The following CRPPA variants were observed in gnomAD, a reference collection of about 807,000 sequenced individuals.
CRPPA encodes the protein D-ribitol-5-phosphate cytidylyltransferase.
A neutral mutation model predicts 52.0 loss-of-function variants in CRPPA; 43 were observed. That is an observed-to-expected ratio of 0.83 (90% CI 0.65 to 1.07). The LOEUF (loss-of-function observed/expected upper bound fraction) is 1.07. Among genes scored for constraint, CRPPA ranks in the 50% least tolerant of loss-of-function variants. CRPPA has a pLI of 0.00. For missense variants in CRPPA, 629 were observed against 551.7 expected (o/e 1.14, Z -1.40); for synonymous variants, 250 against 203.5 (o/e 1.23, Z -1.94).
chr7:16,328,548 T>C (rs1785469343), intron 3 of CRPPA, among the ~76,000 whole-genome samples: 2 of 152,294 alleles, frequency 1.3e-5, no homozygotes, highest in Admixed American at 1.3e-4. Flanking sequence ...AGAGTCTCAC[T>C]CTGTCACCCA....
chr7:16,392,215 C>T (rs1307498232), intron 2 of CRPPA, among the ~76,000 whole-genome samples: 1 of 151,976 alleles, frequency 6.6e-6, no homozygotes, highest in African/African-American at 2.4e-5. Context: ...GCTTCCAATC[C>T]AACAATTCAC....
intron 9 of CRPPA, among the ~76,000 whole-genome samples, chr7:16,100,689 T>G (rs1782026599): frequency 6.6e-6 from 1 of 152,216 alleles, no homozygotes; most frequent in South Asian, 2.1e-4. Context: ...CAATACTATG[T>G]TGAATAGGAG....
chr7:16,106,782 T>C (rs577022833), intron 9 of CRPPA, among the ~76,000 whole-genome samples: 30 of 152,198 alleles, frequency 2.0e-4, no homozygotes, highest in African/African-American at 7.2e-4. Context: ...AAAGCCCCAA[T>C]AGTCTACCTC....
chr7:16,102,475 G>A (rs775726727), intron 9 of CRPPA, among the ~76,000 whole-genome samples: 2 of 152,078 alleles, frequency 1.3e-5, no homozygotes, highest in South Asian at 4.1e-4. Flanking sequence ...ATTAACTAAA[G>A]CACTTCTGCA....
chr7:16,152,580 T>C (rs1783098660), intron 9 of CRPPA, among the ~76,000 whole-genome samples: 1 of 152,040 alleles, frequency 6.6e-6, no homozygotes, highest in African/African-American at 2.4e-5. Context: ...GTATTAGGAC[T>C]GAAATGTTGT....
chr7:16,356,443 CTTT>C, intron 3 of CRPPA, among the ~76,000 whole-genome samples: 1 of 152,144 alleles, frequency 6.6e-6, no homozygotes, highest in African/African-American at 2.4e-5. Context: ...TGGTTTTCCT[CTTT>C]TTAAACACAG....
chr7:16,195,458 C>T (rs748854395), intron 9 of CRPPA, among the ~76,000 whole-genome samples: 4 of 152,024 alleles, frequency 2.6e-5, no homozygotes, highest in Non-Finnish European at 5.9e-5. Flanking sequence ...ATACTGCAGC[C>T]AATATTAGAT....
chr7:16,297,388 T>C (rs1784696101), intron 5 of CRPPA, among the ~76,000 whole-genome samples: 1 of 152,296 alleles, frequency 6.6e-6, no homozygotes, highest in Non-Finnish European at 1.5e-5. Context: ...GATATAGTGA[T>C]AGATATTCTA....
chr7:16,219,580 A>C (rs1039927418), intron 8 of CRPPA, among the ~76,000 whole-genome samples: 5 of 122,058 alleles, frequency 4.1e-5, no homozygotes, highest in Non-Finnish European at 8.7e-5. Context: ...AGAAGAATCA[A>C]AGAGATGCAA....
chr7:16,230,986 G>A (rs1782777868), intron 8 of CRPPA, among the ~76,000 whole-genome samples: 1 of 152,284 alleles, frequency 6.6e-6, no homozygotes, highest in Non-Finnish European at 1.5e-5. Flanking sequence ...GGGCTCTGGG[G>A]TCCCACCTAG....
intron 4 of CRPPA, among the ~76,000 whole-genome samples, chr7:16,307,741 G>C (rs527245559): frequency 2.7e-5 from 4 of 148,016 alleles, no homozygotes; most frequent in East Asian, 4.0e-4. Context: ...CCTGCCACAG[G>C]AAACAGTCTA....
At chr7:16,303,806 G>A (rs1291325379) in intron 4 of CRPPA, among the ~76,000 whole-genome samples, 1 of 152,044 alleles carries the variant, frequency 6.6e-6, no homozygotes, top group African/African-American at 2.4e-5. Flanking sequence ...TGTTTCTTTT[G>A]TTTTTAAACA....
rs1253231685 is a variant in CRPPA at position 16,088,565 on chromosome 7, C to T, written c.*3130G>A. ...CCTGAGTAGCTGGGACTACAGGCGC[C>T]CGCCACGATGCCTGGCTATTTTTTT... On this transcript the variant is annotated 3_prime_UTR_variant, in exon 10 of 10. Transcript: ENST00000407010. The T allele has an allele frequency of 1.3e-5, 2 of 152,122 alleles. No individual in the cohort carries two copies. The highest frequency in any genetic ancestry group is 4.8e-5 in the African/African-American group (2 of 41,346). The allele number at this position is 152,122 out of a possible 1,614,324, so 9.4% of individuals were successfully genotyped here.
chr7:16,345,289 T>C (rs936526886), intron 3 of CRPPA, among the ~76,000 whole-genome samples: 2 of 152,178 alleles, frequency 1.3e-5, no homozygotes, highest in African/African-American at 2.4e-5. Flanking sequence ...AATTAAGACA[T>C]TCCCAGGTAA....
chr7:16,327,471 T>C (rs1022608969), intron 3 of CRPPA, among the ~76,000 whole-genome samples: 21 of 152,046 alleles, frequency 1.4e-4, no homozygotes, highest in Admixed American at 1.4e-3. Flanking sequence ...CGGGCGCCTG[T>C]AGTCCCAGCT....
chr7:16,336,642 T>A (rs1174826214), intron 3 of CRPPA, among the ~76,000 whole-genome samples: 2 of 149,250 alleles, frequency 1.3e-5, no homozygotes, highest in African/African-American at 4.9e-5. Context: ...CCCTATCTGA[T>A]AATAATTAGC....
intron 8 of CRPPA, among the ~76,000 whole-genome samples, chr7:16,233,394 C>A (rs984348827): frequency 1.1e-4 from 17 of 151,944 alleles, no homozygotes; most frequent in African/African-American, 4.1e-4. Flanking sequence ...ACACTGTGAC[C>A]CATAATGAGG....
At chr7:16,293,491 C>T (rs1784604286) in intron 5 of CRPPA, among the ~76,000 whole-genome samples, 1 of 151,884 alleles carries the variant, frequency 6.6e-6, no homozygotes, top group South Asian at 2.1e-4. Context: ...CCTGATATCT[C>T]TAAGTTTCAT....
At chr7:16,399,273 G>C (rs547606060) in intron 2 of CRPPA, among the ~76,000 whole-genome samples, 1 of 152,156 alleles carries the variant, frequency 6.6e-6, no homozygotes, top group Non-Finnish European at 1.5e-5. Flanking sequence ...TGACTGACAC[G>C]ATACACATAC....
Sources: gnomAD v4.1 joint callset for allele counts (sites outside exome capture counted in the v4.1 genomes callset) on GRCh38, gnomAD v4.1.1 for gene constraint, MANE v1.5 for transcripts, NCBI Gene and HGNC (gene_info 2026-07-23, HGNC 2026-07-21) for gene names.